The following MUL1 variants were observed in gnomAD, a reference collection of about 807,000 sequenced individuals.
The protein encoded by MUL1 is mitochondrial ubiquitin ligase activator of NFKB 1.
Under a neutral mutation model 34.1 loss-of-function variants are expected in MUL1, and 30 were observed. The observed-to-expected ratio is 0.88, with a 90% confidence interval of 0.66 to 1.19. The LOEUF (loss-of-function observed/expected upper bound fraction) is 1.19, where lower values mean the gene tolerates loss of function less well. Ranked by LOEUF, MUL1 falls within the 50% of genes most tolerant of loss-of-function variation. The pLI is 0.00. For missense variants in MUL1, 419 were observed against 450.5 expected (o/e 0.93, Z 0.63); for synonymous variants, 191 against 187.8 (o/e 1.02, Z -0.14).
At chr1:20,504,072 G>A (rs1042603018) in intron 1 of MUL1, among the ~76,000 whole-genome samples, 1 of 152,050 alleles carries the variant, frequency 6.6e-6, no homozygotes, top group Non-Finnish European at 1.5e-5. Flanking sequence ...GTCTCCCAAT[G>A]TTGCCCAGGC....
rs750565337 is a variant in MUL1, at chr1:20,501,346, C to T, written c.403G>A (p.Val135Met). 18 of 1,614,064 alleles carry T rather than the reference C, an allele frequency of 1.1e-5. No homozygotes were observed. Among genetic ancestry groups the T allele is most frequent in the South Asian group, 2.2e-5 (2 of 91,092 alleles). ...PFDLVPHEDG[V>M]DVAVRVLKPL... The stretch of plus-strand genomic sequence containing the variant: ...TTCAGCACTCGCACAGCCACATCCA[C>T]GCCATCCTCGTGGGGCACCAGGTCA... Residue 135 changes from valine (V) to methionine (M), a missense_variant, in exon 4 of 4, where the codon GTG becomes ATG. Val to Met is a conservative substitution (Grantham distance 21). Coordinates refer to ENST00000264198, the MANE Select transcript of MUL1 (RefSeq NM_024544.3). The surrounding 1 kb of genome is among the most constrained non-coding windows in gnomAD (Gnocchi z 4.2).
rs763906571 is a variant in MUL1, at chr1:20,500,893, G to A, written c.856C>T (p.Leu286=). Residue 286 remains leucine (L), a synonymous_variant, in exon 4 of 4, where the codon CTG becomes TTG. Transcript: ENST00000264198. ...TCCTCAGGCTTGGCTCGGCTCAGCA[G>A]CTGGGCCTCATGCTCCTGGAACTCC... ...QEEFQEHEAQ[L]LSRAKPEDRE... is the part of the protein sequence containing the mutation. The A allele has an allele frequency of 2.4e-5, 39 of 1,614,014 alleles. No individual in the cohort carries two copies. Among genetic ancestry groups the A allele is most frequent in the Non-Finnish European group, 3.1e-5 (36 of 1,180,004 alleles).
In MUL1 at chr1:20,501,274, A is replaced by G; in HGVS notation, c.475T>C (p.Phe159Leu). The G allele has an allele frequency of 6.2e-7, 1 of 1,614,148 alleles. No individual in the cohort carries two copies. The highest frequency in any genetic ancestry group is 8.5e-7 in the Non-Finnish European group (1 of 1,180,016). ...GTGAAGGACTGAATCGAGGGGTGGA[A>G]CTTCTCATACACAGTCTCTAGACCC... The part of the protein sequence containing the change: ...DLGLETVYEK[F>L]HPSIQSFTDV... The change falls in exon 4 of 4, where the codon TTC becomes CTC. Residue 159 changes from phenylalanine to leucine, a missense_variant. Transcript: ENST00000264198. The surrounding 1 kb of genome is among the most constrained non-coding windows in gnomAD (Gnocchi z 4.2).
intron 2 of MUL1, 134 bp downstream of exon 2, chr1:20,503,088 G>A (rs1417340741): frequency 1.4e-5 from 8 of 561,912 alleles, no homozygotes; most frequent in African/African-American, 3.9e-5. Context: ...AATAACCCAT[G>A]TCTTTCTGAC....
At chr1:20,502,928 C>T (rs1247320920) in intron 2 of MUL1, among the ~76,000 whole-genome samples, 1 of 152,054 alleles carries the variant, frequency 6.6e-6, no homozygotes, top group Non-Finnish European at 1.5e-5. Flanking sequence ...ACATTCTGAT[C>T]ACCATAAGTC....
rs139245041 is a variant in MUL1, at chr1:20,501,247, C to T, written c.502G>A (p.Asp168Asn). The change falls in exon 4 of 4, where the codon GAT (aspartate) becomes AAT (asparagine). Residue 168 changes from aspartate (D) to asparagine (N), a missense_variant. Transcript: ENST00000264198. The surrounding 1 kb of genome is among the most constrained non-coding windows in gnomAD (Gnocchi z 4.2). ...KFHPSIQSFT[D>N]VIGHYISGER... ...CCGCTGATGTAGTGGCCGATGACAT[C>T]GGTGAAGGACTGAATCGAGGGGTGG... 8.7e-6 allele frequency: 14 copies of T among 1,614,028 alleles called. No homozygotes were observed. The highest frequency in any genetic ancestry group is 1.6e-4 in the Middle Eastern group (1 of 6,084).
chr1:20,503,284 T>G lies in MUL1; in HGVS notation c.146A>C (p.Glu49Ala), dbSNP rs773923328. The change falls in exon 2 of 4, where the codon GAA (glutamate) becomes GCA (alanine). Residue 49 changes from glutamate (E) to alanine (A), a missense_variant. Glu to Ala is a moderately radical substitution (Grantham distance 107). Coordinates refer to ENST00000264198, the MANE Select transcript of MUL1 (RefSeq NM_024544.3). Reference protein sequence around the residue: ...LKGAKKVHLGEDLKSILSEAP... With the variant: ...LKGAKKVHLGADLKSILSEAP... ...TTCTGAAAGAATACTCTTTAAATCT[T>G]CACCCAAATGAACTTTTTTAGCTCC... 1.2e-6 allele frequency: 2 copies of G among 1,605,716 alleles called. No individual in the cohort carries two copies. The highest frequency in any genetic ancestry group is 1.3e-5 in the African/African-American group (1 of 74,528).
At chr1:20,504,070 A>T (rs553741949) in intron 1 of MUL1, among the ~76,000 whole-genome samples, 1 of 151,964 alleles carries the variant, frequency 6.6e-6, no homozygotes, top group Non-Finnish European at 1.5e-5. Flanking sequence ...GGGTCTCCCA[A>T]TGTTGCCCAG....
At chr1:20,503,982 C>T (rs1022540980) in intron 1 of MUL1, among the ~76,000 whole-genome samples, 1 of 151,902 alleles carries the variant, frequency 6.6e-6, no homozygotes, top group Non-Finnish European at 1.5e-5. Context: ...AGTGATCCTC[C>T]CACCTCAGGC....
rs1211494057 is a variant in MUL1, at chr1:20,500,774, C to G, written c.975G>C (p.Glu325Asp). The G allele has an allele frequency of 6.2e-7, 1 of 1,614,016 alleles. No individual in the cohort carries two copies. ...TGGGCTCTGGCAAGGCGCGGTAGCACTCGGTGCAGGAACAAACGTGCCCAC... is the reference window on the plus strand; with the variant it reads ...TGGGCTCTGGCAAGGCGCGGTAGCAGTCGGTGCAGGAACAAACGTGCCCAC... ...LECGHVCSCT[E>D]CYRALPEPKK... Residue 325 changes from glutamate (E) to aspartate (D), a missense_variant, in exon 4 of 4, where the codon GAG becomes GAC. Physicochemically the swap from Glu to Asp is conservative, Grantham distance 45 (BLOSUM62 2). Coordinates refer to ENST00000264198, the MANE Select transcript of MUL1 (RefSeq NM_024544.3).
chr1:20,502,220 A>G (rs774161283), intron 2 of MUL1, 31 bp from the exon 3 acceptor site: 10 of 1,613,172 alleles, frequency 6.2e-6, no homozygotes, highest in Non-Finnish European at 8.5e-6. Context: ...TTATTTCTGA[A>G]GAAGTTTTCT....
chr1:20,503,201 T>C (rs755630804), intron 2 of MUL1, 21 bp downstream of exon 2: 7 of 1,514,584 alleles, frequency 4.6e-6, no homozygotes, highest in South Asian at 1.2e-5. Flanking sequence ...TTGTTTTCCA[T>C]TGACCAATAA....
intron 1 of MUL1, among the ~76,000 whole-genome samples, chr1:20,507,500 AC>A (rs758350434): frequency 2.0e-5 from 3 of 151,968 alleles, no homozygotes; most frequent in Admixed American, 6.6e-5. Context: ...TCTCTCCCCT[AC>A]CTTACTCTAA....
At chr1:20,502,813 C>G (rs1276304300) in intron 2 of MUL1, among the ~76,000 whole-genome samples, 1 of 152,112 alleles carries the variant, frequency 6.6e-6, no homozygotes, top group East Asian at 1.9e-4. Flanking sequence ...GGATTACAGG[C>G]ATGAGCTACC....
intron 1 of MUL1, among the ~76,000 whole-genome samples, chr1:20,505,646 G>C (rs1159539330): frequency 1.4e-5 from 2 of 147,238 alleles, no homozygotes; most frequent in Non-Finnish European, 3.0e-5. Flanking sequence ...AAGAAATGAA[G>C]GACAGGAAGG....
Position 20,500,500 on chromosome 1 carries a change from C to T in MUL1, c.*190G>A. The T allele has an allele frequency of 1.4e-6, 1 of 695,840 alleles. No homozygotes were observed. Among genetic ancestry groups the T allele is most frequent in the Non-Finnish European group, 2.3e-6 (1 of 439,930 alleles). 43.1% of individuals were successfully genotyped at this position (695,840 alleles called of 1,614,324 possible). Reference sequence around the variant, plus strand: ...TGAGGCTGCACATGGACAGGGTCCCCTCTCAGGTGGGAAAGGCAGCATCCT... The same window carrying T: ...TGAGGCTGCACATGGACAGGGTCCCTTCTCAGGTGGGAAAGGCAGCATCCT... On this transcript the variant is annotated 3_prime_UTR_variant, in exon 4 of 4. Coordinates refer to ENST00000264198, the MANE Select transcript of MUL1 (RefSeq NM_024544.3).
chr1:20,507,102 G>C (rs1017498216), intron 1 of MUL1, among the ~76,000 whole-genome samples: 12 of 151,758 alleles, frequency 7.9e-5, no homozygotes, highest in Non-Finnish European at 1.6e-4. Context: ...GGTAATCCCA[G>C]CTACTCGGGA....
Position 20,503,306 on chromosome 1 carries a change from C to A in MUL1, c.124G>T (p.Ala42Ser), listed in dbSNP as rs755755908. The A allele has an allele frequency of 3.2e-6, 5 of 1,578,462 alleles. No individual in the cohort carries two copies. Among genetic ancestry groups the A allele is most frequent in the African/African-American group, 2.7e-5 (2 of 72,798 alleles). ...TCTTCACCCAAATGAACTTTTTTAGCTCCCTAAATAAAAAAAAAAAATTAA... is the reference window on the plus strand; with the variant it reads ...TCTTCACCCAAATGAACTTTTTTAGATCCCTAAATAAAAAAAAAAAATTAA... ...KARVSQELKG[A>S]KKVHLGEDLK... The change falls in exon 2 of 4, where the codon GCT (alanine) becomes TCT (serine). Residue 42 changes from alanine (A) to serine (S), a missense_variant. Ala to Ser is a moderately conservative substitution (Grantham distance 99). Transcript: ENST00000264198.
intron 1 of MUL1, among the ~76,000 whole-genome samples, chr1:20,506,416 T>C (rs1314871093): frequency 6.6e-6 from 1 of 152,220 alleles, no homozygotes; most frequent in Non-Finnish European, 1.5e-5. Context: ...AATAAAGCAA[T>C]GTCAATCAGA....
Sources: gnomAD v4.1 joint callset for allele counts (sites outside exome capture counted in the v4.1 genomes callset) on GRCh38, gnomAD v4.1.1 for gene constraint, Gnocchi (gnomAD v3.1) non-coding constraint, MANE v1.5 for transcripts, NCBI Gene and HGNC (gene_info 2026-07-23, HGNC 2026-07-21) for gene names.